Variants in OSBPL8 observed in about 807,000 individuals in gnomAD.
OSBPL8 encodes oxysterol-binding protein-related protein 8.
OSBPL8 carries 59 observed loss-of-function variants against 125.5 expected under a neutral mutation model. The ratio of observed to expected loss-of-function variants is 0.47; its 90% CI spans 0.38 to 0.58. The LOEUF is 0.58. Ranked by LOEUF, OSBPL8 falls within the 20% of genes least tolerant of loss-of-function variation. OSBPL8 has a pLI of 0.00. For synonymous variants in OSBPL8, 330 were observed against 338.9 expected (o/e 0.97, Z 0.29); for missense variants, 758 against 1,047.8 (o/e 0.72, Z 3.82).
At chr12:76,456,267 T>C (rs1044505605) in intron 3 of OSBPL8, among the ~76,000 whole-genome samples, 5 of 152,158 alleles carry the variant, frequency 3.3e-5, no homozygotes, top group Non-Finnish European at 1.5e-5. Context: ...TCCAATAATT[T>C]AAATGTCAGT....
Position 76,439,998 on chromosome 12 carries a change from G to A in OSBPL8, c.217+10853C>T, listed in dbSNP as rs181977034. Among the ~76,000 whole-genome samples the A allele has an allele frequency of 5.9e-5, 9 of 151,808 alleles. 1 individual carries two copies. Among genetic ancestry groups the A allele is most frequent in the Admixed American group, 1.3e-4 (2 of 15,234 alleles). On this transcript the variant is annotated intron_variant, in intron 4 of 23. Coordinates refer to ENST00000261183, the MANE Select transcript of OSBPL8 (RefSeq NM_020841.5). Reference sequence around the variant, plus strand: ...ATTATTTCCTTCCCTGTTTACTTTGGGTTTACTCTATTATTCTTTTTCTAG... The same window carrying A: ...ATTATTTCCTTCCCTGTTTACTTTGAGTTTACTCTATTATTCTTTTTCTAG...
chr12:76,442,679 C>T (rs1337417774), intron 4 of OSBPL8, among the ~76,000 whole-genome samples: 1 of 152,116 alleles, frequency 6.6e-6, no homozygotes, highest in Non-Finnish European at 1.5e-5. Context: ...ATAACATATT[C>T]AAGAACACAT....
rs536522656 is a variant in OSBPL8, at chr12:76,417,835, G to T, written c.218-7201C>A. Among the ~76,000 whole-genome samples, 8 of 152,128 alleles carry T rather than the reference G, an allele frequency of 5.3e-5. 1 individual carries two copies. Among genetic ancestry groups the T allele is most frequent in the Admixed American group, 5.2e-4 (8 of 15,272 alleles). ...CTCTAATATCCAAGAAGCCTTACCA[G>T]CCTCTTTCTACTGTTTGTTGTTTCA... On this transcript the variant is annotated intron_variant, in intron 4 of 23. Coordinates refer to ENST00000261183, the MANE Select transcript of OSBPL8 (RefSeq NM_020841.5).
intron 1 of OSBPL8, among the ~76,000 whole-genome samples, chr12:76,529,277 A>G (rs910130331): frequency 2.0e-5 from 3 of 152,206 alleles, no homozygotes; most frequent in African/African-American, 7.2e-5. Context: ...CTTCAGAAAA[A>G]TAAATTTAAG....
intron 8 of OSBPL8, among the ~76,000 whole-genome samples, chr12:76,397,172 C>G (rs1953842515): frequency 6.9e-6 from 1 of 144,824 alleles, no homozygotes; most frequent in South Asian, 2.3e-4. Context: ...AGAAACCTGC[C>G]TCTTTCTCAA....
intron 3 of OSBPL8, among the ~76,000 whole-genome samples, chr12:76,455,760 A>T (rs956931972): frequency 6.6e-6 from 1 of 152,244 alleles, no homozygotes; most frequent in African/African-American, 2.4e-5. Flanking sequence ...ACATAATAGT[A>T]GACTATTCAA....
At chr12:76,406,416 G>C (rs1954263607) in intron 5 of OSBPL8, among the ~76,000 whole-genome samples, 1 of 152,178 alleles carries the variant, frequency 6.6e-6, no homozygotes, top group Non-Finnish European at 1.5e-5. Flanking sequence ...AGAGATGTGA[G>C]CTCAAAAACT....
intron 2 of OSBPL8, among the ~76,000 whole-genome samples, chr12:76,460,526 TAGAA>T (rs1874595935): frequency 6.6e-6 from 1 of 151,518 alleles, no homozygotes; most frequent in South Asian, 2.1e-4. Flanking sequence ...AAACATTAAT[TAGAA>T]AGAAGTTTTA....
chr12:76,495,398 T>A (rs1469789912), intron 1 of OSBPL8, among the ~76,000 whole-genome samples: 2 of 152,160 alleles, frequency 1.3e-5, no homozygotes, highest in Non-Finnish European at 1.5e-5. Context: ...ATAAAAGAGG[T>A]CTAGCAAATA....
rs1951854406 is a variant in OSBPL8, at chr12:76,352,331, C to T, written c.*3558G>A. The T allele has an allele frequency of 6.6e-6, 1 of 152,518 alleles. No individual in the cohort carries two copies. The highest frequency in any genetic ancestry group is 2.1e-4 in the South Asian group (1 of 4,818). 9.4% of individuals were successfully genotyped at this position (152,518 alleles called of 1,614,324 possible). ...ACGTGGCTCTTCTAAATATATTAAT[C>T]ATATTAATAAGACACTGGTCCTATA... On this transcript the variant is annotated 3_prime_UTR_variant, in exon 24 of 24. Coordinates refer to ENST00000261183, the MANE Select transcript of OSBPL8 (RefSeq NM_020841.5).
chr12:76,523,986 T>C (rs945772498), intron 1 of OSBPL8, among the ~76,000 whole-genome samples: 4 of 152,034 alleles, frequency 2.6e-5, no homozygotes, highest in Non-Finnish European at 4.4e-5. Flanking sequence ...TAAAACAATA[T>C]GGAAAAGAGA....
intron 1 of OSBPL8, among the ~76,000 whole-genome samples, chr12:76,499,421 T>C (rs569002636): frequency 2.6e-5 from 4 of 152,174 alleles, no homozygotes; most frequent in East Asian, 1.9e-4. Context: ...AGAACCCTAA[T>C]ACAGCCATGT....
At chr12:76,377,633 G>C (rs537507713) in intron 16 of OSBPL8, among the ~76,000 whole-genome samples, 1 of 152,138 alleles carries the variant, frequency 6.6e-6, no homozygotes, top group Non-Finnish European at 1.5e-5. Context: ...ATGTTTTCAT[G>C]AATCAGTTCC....
chr12:76,416,301 T>C (rs1258522168), intron 4 of OSBPL8, among the ~76,000 whole-genome samples: 2 of 152,026 alleles, frequency 1.3e-5, no homozygotes, highest in Admixed American at 6.5e-5. Flanking sequence ...TAATTTAAAA[T>C]TTGTTGAAAC....
At chr12:76,511,386 T>C (rs1880975424) in intron 1 of OSBPL8, among the ~76,000 whole-genome samples, 1 of 152,220 alleles carries the variant, frequency 6.6e-6, no homozygotes, top group Non-Finnish European at 1.5e-5. Flanking sequence ...CCCTTTTCTC[T>C]GCAACCTCAG....
At position 76,508,119 on chromosome 12, in the gene OSBPL8, C is replaced by A. The variant is rs955594747; in HGVS notation, c.-67-20501G>T. ...CTGGGAGGCGGAGGTTGCAGTGAGC[C>A]GAGATTGCGCCATCGCACTCCAGCC... On this transcript the variant is annotated intron_variant, in intron 1 of 23. Transcript: ENST00000261183. Among the ~76,000 whole-genome samples the A allele has an allele frequency of 3.3e-5, 5 of 151,066 alleles. 1 individual carries two copies. In the East Asian group the frequency reaches 9.7e-4, roughly 29 times the overall value.
intron 18 of OSBPL8, among the ~76,000 whole-genome samples, chr12:76,372,674 A>G (rs1054388006): frequency 6.6e-6 from 1 of 152,204 alleles, no homozygotes; most frequent in African/African-American, 2.4e-5. Context: ...CAGTGCTCAT[A>G]GTATGGTATA....
At position 76,353,973 on chromosome 12, in the gene OSBPL8, T is replaced by C. The variant is rs1446193974; in HGVS notation, c.*1916A>G. On this transcript the variant is annotated 3_prime_UTR_variant, in exon 24 of 24. Coordinates refer to ENST00000261183, the MANE Select transcript of OSBPL8 (RefSeq NM_020841.5). ...TGGATAAGACCAAAGTCCTAAGAGG[T>C]GGGTCACCAGTACAAAATGTTAACA... 6.6e-6 allele frequency: 1 copy of C among 152,188 alleles called. No homozygotes were observed. The highest frequency in any genetic ancestry group is 1.5e-5 in the Non-Finnish European group (1 of 67,788). The allele number at this position is 152,188 out of a possible 1,614,324, so 9.4% of individuals were successfully genotyped here.
chr12:76,536,043 G>A (rs1444675905), intron 1 of OSBPL8, among the ~76,000 whole-genome samples: 1 of 152,116 alleles, frequency 6.6e-6, no homozygotes, highest in African/African-American at 2.4e-5. Flanking sequence ...AATTATACCT[G>A]AATAAAGTAG....
Sources: gnomAD v4.1 joint callset for allele counts (sites outside exome capture counted in the v4.1 genomes callset) on GRCh38, gnomAD v4.1.1 for gene constraint, MANE v1.5 for transcripts, NCBI Gene and HGNC (gene_info 2026-07-23, HGNC 2026-07-21) for gene names.